The following SCAPER variants were observed in gnomAD, a reference collection of about 807,000 sequenced individuals.
The protein encoded by SCAPER is S-phase cyclin A associated protein in the ER, also known as S phase cyclin A-associated protein in the endoplasmic reticulum.
A neutral mutation model predicts 182.2 loss-of-function variants in SCAPER; 98 were observed. The observed-to-expected ratio is 0.54, with a 90% CI of 0.46 to 0.64. The LOEUF (loss-of-function observed/expected upper bound fraction) is 0.64, where lower values mean the gene tolerates loss of function less well. Among genes scored for constraint, SCAPER ranks in the 30% least tolerant of loss-of-function variants. The pLI, the probability that SCAPER is intolerant of heterozygous loss-of-function variation, is 0.00. For synonymous variants in SCAPER, 605 were observed against 564.6 expected (o/e 1.07, Z -1.01); for missense variants, 1,432 against 1,690.0 (o/e 0.85, Z 2.68).
At chr15:76,471,461 C>A in intron 24 of SCAPER, 126 bp from the exon 25 acceptor site, 1 of 1,074,686 alleles carries the variant, frequency 9.3e-7, no homozygotes, top group Non-Finnish European at 1.3e-6. Flanking sequence ...AAAAACCAAG[C>A]CAAATACTAT....
rs925126767 is a variant in SCAPER, at chr15:76,726,614, A to G, written c.2165+1981T>C. 3.3e-5 allele frequency among the ~76,000 whole-genome samples: 5 copies of G among 152,096 alleles called. No individual in the cohort carries two copies. In the South Asian group the frequency reaches 1.0e-3, roughly 31 times the overall value. On this transcript the variant is annotated intron_variant, in intron 17 of 31. Coordinates refer to ENST00000563290, the MANE Select transcript of SCAPER (RefSeq NM_020843.4). ...CAACTCAAGTTGCTTCAACAAAGAA[A>G]TGAATAAATAAAATGTGGTATTATA... is the stretch of plus-strand genomic sequence containing the variant.
intron 14 of SCAPER, 59 bp from the exon 15 acceptor site, chr15:76,754,007 T>A: frequency 1.3e-6 from 2 of 1,539,476 alleles, no homozygotes; most frequent in Non-Finnish European, 1.8e-6. Flanking sequence ...TTAAAAGAAG[T>A]ACAAACAAGT....
chr15:76,357,959 G>A (rs2041116370), intron 29 of SCAPER, among the ~76,000 whole-genome samples: 1 of 152,160 alleles, frequency 6.6e-6, no homozygotes, highest in Admixed American at 6.5e-5. Context: ...GGAGAGGAGT[G>A]AGGAATGAGA....
chr15:76,703,280 G>T (rs950563569), intron 18 of SCAPER, among the ~76,000 whole-genome samples: 7 of 152,120 alleles, frequency 4.6e-5, no homozygotes, highest in Admixed American at 3.3e-4. Flanking sequence ...AACTAAACAG[G>T]TTTTTAATGT....
chr15:76,646,091 A>G (rs1004846256), intron 21 of SCAPER, among the ~76,000 whole-genome samples: 9 of 152,138 alleles, frequency 5.9e-5, no homozygotes, highest in Non-Finnish European at 1.2e-4. Flanking sequence ...ATCTAAATTT[A>G]TATCTAAATA....
chr15:76,804,357 A>G lies in SCAPER; in HGVS notation c.494+176T>C, dbSNP rs1193996370. ...AATAAAGTGATAATACCCAATTAATACCCACTGATAATTACCCAATAAATA... is the reference window on the plus strand; with the variant it reads ...AATAAAGTGATAATACCCAATTAATGCCCACTGATAATTACCCAATAAATA... On this transcript the variant is annotated intron_variant, in intron 6 of 31. Transcript: ENST00000563290. 5.3e-5 allele frequency among the ~76,000 whole-genome samples: 8 copies of G among 152,342 alleles called. No homozygotes were observed. In the East Asian group the frequency reaches 1.5e-3, roughly 29 times the overall value.
intron 23 of SCAPER, among the ~76,000 whole-genome samples, chr15:76,566,559 A>G (rs373483697): frequency 4.6e-5 from 7 of 152,270 alleles, no homozygotes; most frequent in African/African-American, 1.4e-4. Flanking sequence ...GGATGCTGTT[A>G]CTATCCAAAC....
intron 15 of SCAPER, among the ~76,000 whole-genome samples, chr15:76,737,414 T>A (rs973253021): frequency 1.3e-5 from 2 of 152,244 alleles, no homozygotes; most frequent in Non-Finnish European, 2.9e-5. Flanking sequence ...AACAGTGGAT[T>A]TAAAATATTC....
intron 15 of SCAPER, among the ~76,000 whole-genome samples, chr15:76,735,620 T>C (rs1171969322): frequency 6.8e-6 from 1 of 147,152 alleles, no homozygotes; most frequent in Non-Finnish European, 1.5e-5. Context: ...GAGAATCGCT[T>C]GAACATGGGA....
At chr15:76,525,753 C>T (rs1427314359) in intron 23 of SCAPER, among the ~76,000 whole-genome samples, 2 of 152,168 alleles carry the variant, frequency 1.3e-5, no homozygotes, top group African/African-American at 4.8e-5. Flanking sequence ...TTTATTCAAT[C>T]CACCATGGAT....
At chr15:76,432,451 A>G (rs2046931510) in intron 26 of SCAPER, among the ~76,000 whole-genome samples, 1 of 152,230 alleles carries the variant, frequency 6.6e-6, no homozygotes, top group Admixed American at 6.5e-5. Context: ...AAGAAAGCAG[A>G]AGAAATTTAT....
At chr15:76,899,508 A>G (rs1442829740) in intron 1 of SCAPER, among the ~76,000 whole-genome samples, 3 of 152,178 alleles carry the variant, frequency 2.0e-5, no homozygotes, top group Non-Finnish European at 2.9e-5. Context: ...ATCTCGGCTC[A>G]CTACAACCTC....
In SCAPER at chr15:76,381,470, T is replaced by C. The variant is rs369978131; in HGVS notation, c.3613A>G (p.Lys1205Glu). 2.4e-5 allele frequency: 38 copies of C among 1,613,726 alleles called. 1 individual carries two copies. The highest frequency in any genetic ancestry group is 1.5e-4 in the Admixed American group (9 of 59,954). Reference protein sequence around the residue: ...TILDPSTASPKENYTQNTIQV... With the variant: ...TILDPSTASPEENYTQNTIQV... ...ATGGTATTTTGAGTGTAATTCTCCT[T>C]GGGACTGGCAGTGCTGGGGTCCAAG... The change falls in exon 28 of 32, where the codon AAG (lysine) becomes GAG (glutamate). Residue 1205 changes from lysine (K) to glutamate (E), a missense_variant. Lys to Glu is a moderately conservative substitution (Grantham distance 56). Around this residue, in one of 5 missense-constraint regions of SCAPER, gnomAD observed 718 missense variants for 799.7 expected, o/e 0.90. Coordinates refer to ENST00000563290, the MANE Select transcript of SCAPER (RefSeq NM_020843.4).
At chr15:76,419,206 C>G (rs1287009190) in intron 26 of SCAPER, among the ~76,000 whole-genome samples, 4 of 151,988 alleles carry the variant, frequency 2.6e-5, no homozygotes, top group Admixed American at 6.6e-5. Context: ...GGTACCCAAC[C>G]AACACCCTAG....
In SCAPER at chr15:76,800,368, C is replaced by A. The variant is rs372335074; in HGVS notation, c.495-4G>T. ...TTCCCATGCCAATGATGTTGGTCTG[C>A]GAATTCAATATATAAACCAGATTAA... On this transcript the variant is annotated splice_region_variant and splice_polypyrimidine_tract_variant and intron_variant, in intron 6 of 31. Coordinates refer to ENST00000563290, the MANE Select transcript of SCAPER (RefSeq NM_020843.4). 57 of 1,554,814 alleles carry A rather than the reference C, an allele frequency of 3.7e-5. No individual in the cohort carries two copies. Among genetic ancestry groups the A allele is most frequent in the Non-Finnish European group, 4.5e-5 (51 of 1,127,534 alleles).
At chr15:76,619,415 A>C (rs62030427) in intron 22 of SCAPER, among the ~76,000 whole-genome samples, 14,230 of 152,220 alleles carry the variant, frequency 0.093, 823 homozygotes, top group African/African-American at 0.15. Flanking sequence ...TTATGTGGGC[A>C]CATGCTTTCA....
chr15:76,733,111 T>C, intron 16 of SCAPER, 118 bp downstream of exon 16: 3 of 931,080 alleles, frequency 3.2e-6, no homozygotes. Flanking sequence ...TCTTATGTCT[T>C]TATTTCTACA....
In SCAPER at chr15:76,385,678, C is replaced by T. The variant is rs371950134; in HGVS notation, c.3468-4063G>A. Among the ~76,000 whole-genome samples, 12 of 152,260 alleles carry T rather than the reference C, an allele frequency of 7.9e-5. No individual in the cohort carries two copies. In the South Asian group the frequency reaches 2.1e-3, roughly 26 times the overall value. Reference sequence around the variant, plus strand: ...AAAGCCAAACTGTATCCAGTGACAACATCATTCATCAGGGTTTAAGGTGAG... The same window carrying T: ...AAAGCCAAACTGTATCCAGTGACAATATCATTCATCAGGGTTTAAGGTGAG... On this transcript the variant is annotated intron_variant, in intron 27 of 31. Coordinates refer to ENST00000563290, the MANE Select transcript of SCAPER (RefSeq NM_020843.4).
intron 29 of SCAPER, among the ~76,000 whole-genome samples, chr15:76,355,309 A>G (rs2141666903): frequency 6.6e-6 from 1 of 152,360 alleles, no homozygotes; most frequent in Middle Eastern, 3.4e-3. Flanking sequence ...GTTGATAGGG[A>G]CTTGTTAATA....
Sources: gnomAD v4.1 joint callset for allele counts (sites outside exome capture counted in the v4.1 genomes callset) on GRCh38, gnomAD v4.1.1 for gene constraint, gnomAD v4.1.1 regional missense constraint, MANE v1.5 for transcripts, NCBI Gene and HGNC (gene_info 2026-07-23, HGNC 2026-07-21) for gene names.